The following PFKFB1 variants were observed in gnomAD, a reference collection of about 807,000 sequenced individuals.
PFKFB1 encodes 6-phosphofructo-2-kinase/fructose-2,6-bisphosphatase 1.
In PFKFB1, 34 loss-of-function variants were observed where a neutral mutation model predicts 46.4. That is an observed-to-expected ratio of 0.73 (90% CI 0.56 to 0.98). The LOEUF is 0.98. PFKFB1 is among the 50% of genes least tolerant of loss of function. The pLI is 0.00. For missense variants in PFKFB1, 393 were observed against 376.3 expected (o/e 1.04, Z -0.37); for synonymous variants, 119 against 133.8 (o/e 0.89, Z 0.76).
intron 1 of PFKFB1, among the ~76,000 whole-genome samples, chrX:54,967,707 A>C (rs1489340960): frequency 2.9e-4 from 6 of 20,973 alleles, no homozygotes. Context: ...GCAGCCAAAA[A>C]ACACATGAAA....
intron 1 of PFKFB1, among the ~76,000 whole-genome samples, chrX:54,970,363 T>C (rs1218716784): frequency 9.1e-6 from 1 of 109,716 alleles, no homozygotes; most frequent in East Asian, 2.9e-4. Flanking sequence ...ATACTTTAAG[T>C]TTTAGGGTAC....
chrX:54,994,631 A>ACAT (rs1935330363), upstream of PFKFB1: 5 of 752,754 alleles, frequency 6.6e-6, no homozygotes, highest in South Asian at 2.0e-4. Context: ...TGGCAATTAG[A>ACAT]GGCCCAAACT....
intron 10 of PFKFB1, among the ~76,000 whole-genome samples, chrX:54,943,951 G>A (rs972272284): frequency 9.0e-6 from 1 of 110,782 alleles, no homozygotes. Context: ...TTCACTTGGG[G>A]GTTAAGACCA....
At chrX:54,982,626 T>A (rs988654349) in intron 1 of PFKFB1, among the ~76,000 whole-genome samples, 1 of 111,831 alleles carries the variant, frequency 8.9e-6, no homozygotes, top group East Asian at 2.8e-4. Flanking sequence ...TATGTGTAAG[T>A]TATATGCAAA....
chrX:54,939,587 A>C (rs1033360121), intron 10 of PFKFB1, among the ~76,000 whole-genome samples: 5 of 112,138 alleles, frequency 4.5e-5, no homozygotes, highest in African/African-American at 1.3e-4. Context: ...CAGATACACA[A>C]ACTACCATCA....
At chrX:54,937,458 G>T (rs1933440488) in intron 11 of PFKFB1, 137 bp downstream of exon 11, 3 of 547,776 alleles carry the variant, frequency 5.5e-6, no homozygotes, top group Non-Finnish European at 8.5e-6. Context: ...GCTAGTATGT[G>T]AAAGAGAAAG....
intron 1 of PFKFB1, among the ~76,000 whole-genome samples, chrX:54,977,613 G>T (rs951205407): frequency 5.4e-5 from 6 of 110,690 alleles, no homozygotes; most frequent in African/African-American, 2.0e-4. Context: ...AATACAGACG[G>T]GTTAGCATGC....
rs1415316961 is a variant in PFKFB1 at position 54,959,811 on chromosome X, T to TA, written c.384+15dup. On this transcript the variant is annotated intron_variant, in intron 4 of 13. Coordinates refer to ENST00000375006, the MANE Select transcript of PFKFB1 (RefSeq NM_002625.4). ...TCCCAGTAGTTACCCAAGGAAAAAA[T>TA]AAAAAATTTCTTTACCGCAACATGA... is the stretch of plus-strand genomic sequence containing the variant. The TA allele has an allele frequency of 8.6e-7, 1 of 1,166,999 alleles. No homozygotes were observed. Among genetic ancestry groups the TA allele is most frequent in the South Asian group, 1.8e-5 (1 of 54,902 alleles).
At chrX:54,983,753 C>T (rs1935052642) in intron 1 of PFKFB1, among the ~76,000 whole-genome samples, 1 of 111,931 alleles carries the variant, frequency 8.9e-6, no homozygotes, top group African/African-American at 3.2e-5. Context: ...CACTGCTTTC[C>T]ACATGGTTGA....
intron 1 of PFKFB1, among the ~76,000 whole-genome samples, chrX:54,964,509 A>G (rs1934416955): frequency 8.9e-6 from 1 of 112,021 alleles, no homozygotes; most frequent in Non-Finnish European, 1.9e-5. Context: ...TCAGACAAGG[A>G]ATTTGTTTAT....
At position 54,958,881 on chromosome X, in the gene PFKFB1, G is replaced by A. The variant is rs758645656; in HGVS notation, c.429C>T (p.Ile143=). 19 of 1,196,570 alleles carry A rather than the reference G, an allele frequency of 1.6e-5. No individual in the cohort carries two copies. The highest frequency in any genetic ancestry group is 2.0e-5 in the Non-Finnish European group (18 of 883,937). ...AACCATGTTCTTTTGCAAACTGCAG[G>A]ATCAGTGACCGTCGTTCTCTGGTAG... ...TNTTRERRSL[I]LQFAKEHGYK... is the part of the protein sequence containing the mutation. The change falls in exon 5 of 14, where the codon ATC becomes ATT. Residue 143 remains isoleucine, a synonymous_variant. Transcript: ENST00000375006.
At chrX:54,956,541 T>TTA (rs1934147882) in intron 6 of PFKFB1, among the ~76,000 whole-genome samples, 1 of 111,623 alleles carries the variant, frequency 9.0e-6, no homozygotes, top group Non-Finnish European at 1.9e-5. Context: ...AGAAGAACAT[T>TTA]TATAAGAGGA....
At chrX:54,959,128 T>C (rs1934240063) in intron 4 of PFKFB1, among the ~76,000 whole-genome samples, 1 of 111,235 alleles carries the variant, frequency 9.0e-6, no homozygotes, top group Non-Finnish European at 1.9e-5. Flanking sequence ...CAGAAATGTA[T>C]GCTACCCTGT....
At chrX:54,987,983 T>C (rs1003103591) in intron 1 of PFKFB1, among the ~76,000 whole-genome samples, 1 of 111,194 alleles carries the variant, frequency 9.0e-6, no homozygotes, top group Non-Finnish European at 1.9e-5. Context: ...GTAGAGGTTA[T>C]AGCCAAGGTA....
intron 8 of PFKFB1, among the ~76,000 whole-genome samples, chrX:54,949,534 G>A (rs1055266054): frequency 9.0e-6 from 1 of 111,577 alleles, no homozygotes; most frequent in African/African-American, 3.3e-5. Context: ...TAACATTTGT[G>A]GAGCCTGGGA....
At position 54,934,986 on chromosome X, in the gene PFKFB1, G is replaced by A; in HGVS notation, c.1252C>T (p.Pro418Ser). The A allele has an allele frequency of 8.3e-7, 1 of 1,207,037 alleles. No homozygotes were observed. ...SSDELPYLKC[P>S]LHTVLKLTPV... ...GTGAGTTTGAGCACTGTGTGCAGAGGGCACTTGAGATATGGAAGCTCATCT... is the reference window on the plus strand; with the variant it reads ...GTGAGTTTGAGCACTGTGTGCAGAGAGCACTTGAGATATGGAAGCTCATCT... Residue 418 changes from proline to serine, a missense_variant, in exon 12 of 14, where the codon CCT (proline) becomes TCT (serine). By Grantham distance (74) the Pro-to-Ser change is moderately conservative. Transcript: ENST00000375006.
At chrX:54,942,378 A>G (rs1367935696) in intron 10 of PFKFB1, among the ~76,000 whole-genome samples, 1 of 111,632 alleles carries the variant, frequency 9.0e-6, no homozygotes, top group East Asian at 2.8e-4. Flanking sequence ...TGTACCCTAA[A>G]ACTTAAATTA....
At position 54,958,409 on chromosome X, in the gene PFKFB1, G is replaced by A. The variant is rs373709271; in HGVS notation, c.460-47C>T. On this transcript the variant is annotated intron_variant, in intron 5 of 13. Transcript: ENST00000375006. Reference sequence around the variant, plus strand: ...GATTTCCAGCAGGAAATTATGTTTGGTAGGAGCTGAACATAGCTTTACTCC... The same window carrying A: ...GATTTCCAGCAGGAAATTATGTTTGATAGGAGCTGAACATAGCTTTACTCC... 7.0e-4 allele frequency: 591 copies of A among 839,675 alleles called. 2 individuals are homozygous for A. The highest frequency in any genetic ancestry group is 9.9e-4 in the Non-Finnish European group (558 of 562,736). The allele number at this position is 839,675 out of a possible 1,213,427, so 69.2% of individuals were successfully genotyped here.
intron 1 of PFKFB1, among the ~76,000 whole-genome samples, chrX:54,972,679 G>A (rs750736405): frequency 6.3e-5 from 7 of 111,650 alleles, no homozygotes; most frequent in Non-Finnish European, 1.1e-4. Flanking sequence ...TGCATCCCAG[G>A]GATGAAGCCC....
Sources: gnomAD v4.1 joint callset for allele counts (sites outside exome capture counted in the v4.1 genomes callset) on GRCh38, gnomAD v4.1.1 for gene constraint, MANE v1.5 for transcripts, NCBI Gene and HGNC (gene_info 2026-07-23, HGNC 2026-07-21) for gene names.